The following DHX30 variants were observed in gnomAD, a reference collection of about 807,000 sequenced individuals.
The protein encoded by DHX30 is DExH-box helicase 30.
A neutral mutation model predicts 116.9 loss-of-function variants in DHX30; 4 were observed. That is an observed-to-expected ratio of 0.03 (90% confidence interval 0.02 to 0.08). DHX30 has a LOEUF of 0.08. DHX30 is among the 10% of genes least tolerant of loss of function. The probability of loss-of-function intolerance (pLI) is 1.00; values close to 1 mark genes in which losing one functional copy is unlikely to be tolerated. For missense variants in DHX30, 871 were observed against 1,595.1 expected (o/e 0.55, Z 7.73); for synonymous variants, 697 against 651.7 (o/e 1.07, Z -1.06).
intron 4 of DHX30, among the ~76,000 whole-genome samples, chr3:47,823,357 GTTT>G (rs556494505): frequency 2.3e-5 from 3 of 128,032 alleles, no homozygotes; most frequent in Non-Finnish European, 1.7e-5. Context: ...CCTGGTTGTT[GTTT>G]TTTTTTTTTT....
chr3:47,833,537 CAAAAAA>C (rs71070236), intron 6 of DHX30, among the ~76,000 whole-genome samples: 1 of 62,458 alleles, frequency 1.6e-5, no homozygotes, highest in African/African-American at 6.9e-5. Flanking sequence ...CTCTCTCTCT[CAAAAAA>C]AAAAAAAAAA....
chr3:47,845,991 C>A, intron 10 of DHX30, 139 bp downstream of exon 10: 1 of 1,437,524 alleles, frequency 7.0e-7, no homozygotes, highest in Non-Finnish European at 9.3e-7. Context: ...ATCCCCCTGG[C>A]CTGAACAGCC....
intron 3 of DHX30, among the ~76,000 whole-genome samples, chr3:47,811,295 C>T (rs2035778649): frequency 1.3e-5 from 2 of 152,072 alleles, no homozygotes; most frequent in Admixed American, 1.3e-4. Flanking sequence ...TATACCATCT[C>T]CTTCATGAAC....
In DHX30 at chr3:47,832,228, C is replaced by T. The variant is rs759434712; in HGVS notation, c.366+3094C>T. 4.7e-4 allele frequency among the ~76,000 whole-genome samples: 71 copies of T among 151,914 alleles called. 1 individual carries two copies. In the Middle Eastern group the frequency reaches 0.014, roughly 29 times the overall value. On this transcript the variant is annotated intron_variant, in intron 6 of 21. Coordinates refer to ENST00000445061, the MANE Select transcript of DHX30 (RefSeq NM_138615.3). ...CCTGGCCTCTGTGTACCTCTGTATCCCCACAGTGCTCTGTAGCCTTGGCAC... is the reference window on the plus strand; with the variant it reads ...CCTGGCCTCTGTGTACCTCTGTATCTCCACAGTGCTCTGTAGCCTTGGCAC...
intron 5 of DHX30, among the ~76,000 whole-genome samples, chr3:47,828,033 T>A (rs1215022602): frequency 6.6e-6 from 1 of 151,904 alleles, no homozygotes; most frequent in Middle Eastern, 3.2e-3. Flanking sequence ...TAATTTTTTT[T>A]ATTTTTTGTA....
chr3:47,831,275 C>T (rs577967678), intron 6 of DHX30: 3 of 152,200 alleles, frequency 2.0e-5, no homozygotes, highest in Admixed American at 6.5e-5. Context: ...AAGCTAGAGT[C>T]ATTGAAACAA....
intron 3 of DHX30, among the ~76,000 whole-genome samples, chr3:47,812,253 A>T (rs1212612939): frequency 6.6e-6 from 1 of 151,250 alleles, no homozygotes; most frequent in Non-Finnish European, 1.5e-5. Flanking sequence ...AATAAATAAA[A>T]TAAACAACAG....
chr3:47,814,440 A>G (rs2035952205), intron 3 of DHX30, among the ~76,000 whole-genome samples: 2 of 150,060 alleles, frequency 1.3e-5, no homozygotes, highest in East Asian at 2.0e-4. Flanking sequence ...AAAAAAAAAA[A>G]AAAAAAAAGA....
chr3:47,834,404 C>T (rs1368259448), intron 6 of DHX30, among the ~76,000 whole-genome samples: 1 of 151,762 alleles, frequency 6.6e-6, no homozygotes, highest in East Asian at 1.9e-4. Context: ...ACTCCTGGCC[C>T]ATGTGGTATT....
intron 3 of DHX30, among the ~76,000 whole-genome samples, chr3:47,814,140 C>G (rs1198640446): frequency 1.3e-5 from 2 of 151,616 alleles, no homozygotes; most frequent in East Asian, 3.9e-4. Context: ...AATCACGATC[C>G]TCAGCTGAGC....
At position 47,847,703 on chromosome 3, in the gene DHX30, A is replaced by G. The variant is rs900331664; in HGVS notation, c.2111-78A>G. Reference sequence around the variant, plus strand: ...CCTGTTTCATCAAAATGGGGTCAAAATCCTTGCCCTGCCCACATTCCAGGG... The same window carrying G: ...CCTGTTTCATCAAAATGGGGTCAAAGTCCTTGCCCTGCCCACATTCCAGGG... On this transcript the variant is annotated intron_variant, in intron 13 of 21. Coordinates refer to ENST00000445061, the MANE Select transcript of DHX30 (RefSeq NM_138615.3). The surrounding 1 kb of genome is among the most constrained non-coding windows in gnomAD (Gnocchi z 5.5). 3 of 1,536,426 alleles carry G rather than the reference A, an allele frequency of 2.0e-6. No individual in the cohort carries two copies. The African/African-American group carries it at 4.1e-5, about 21-fold the overall frequency.
chr3:47,832,125 G>A (rs1238135164), intron 6 of DHX30, among the ~76,000 whole-genome samples: 1 of 150,324 alleles, frequency 6.7e-6, no homozygotes, highest in Non-Finnish European at 1.5e-5. Flanking sequence ...TGCCCAGGCT[G>A]GTCTCTAATT....
At position 47,845,792 on chromosome 3, in the gene DHX30, A is replaced by G; in HGVS notation, c.1032A>G (p.Arg344=). The G allele has an allele frequency of 6.2e-7, 1 of 1,611,760 alleles. No homozygotes were observed. The highest frequency in any genetic ancestry group is 1.1e-5 in the South Asian group (1 of 91,000). The part of the protein sequence containing the change: ...SLRELGETQR[R]PCTIQVPEPI... ...GTGAGCTGGGTGAGACCCAGCGCCGACCATGCACCATCCAGGTGCCCGAGC... is the reference window on the plus strand; with the variant it reads ...GTGAGCTGGGTGAGACCCAGCGCCGGCCATGCACCATCCAGGTGCCCGAGC... The change falls in exon 10 of 22, where the codon CGA becomes CGG. Residue 344 remains arginine, a synonymous_variant. Coordinates refer to ENST00000445061, the MANE Select transcript of DHX30 (RefSeq NM_138615.3).
Position 47,846,731 on chromosome 3 carries a change from G to T in DHX30, c.1659G>T (p.Val553=). 2 of 1,614,024 alleles carry T rather than the reference G, an allele frequency of 1.2e-6. No individual in the cohort carries two copies. Among genetic ancestry groups the T allele is most frequent in the African/African-American group, 1.3e-5 (1 of 75,080 alleles). The change falls in exon 11 of 22, where the codon GTG becomes GTT. Residue 553 remains valine (V), a synonymous_variant. Transcript: ENST00000445061. ...AGAGCAACCCCAGCCTGGAGGGCGT[G>T]AGCCACGTCATCGTGGATGAGGTGC... ...KLQSNPSLEG[V]SHVIVDEVHE...
chr3:47,814,167 G>C (rs557682430), intron 3 of DHX30, among the ~76,000 whole-genome samples: 7 of 151,734 alleles, frequency 4.6e-5, no homozygotes, highest in African/African-American at 9.7e-5. Context: ...GCTCAGGCCT[G>C]TAATCCCAGC....
In DHX30 at chr3:47,846,707, G is replaced by A. The variant is rs1452736106; in HGVS notation, c.1635G>A (p.Gln545=). ...CTVGILLRKL[Q]SNPSLEGVSH... is the part of the protein sequence containing the mutation. ...TGGGTATCCTGCTGCGTAAGCTGCA[G>A]AGCAACCCCAGCCTGGAGGGCGTGA... Residue 545 remains glutamine (Q), a synonymous_variant, in exon 11 of 22, where the codon CAG becomes CAA. Transcript: ENST00000445061. 6.2e-7 allele frequency: 1 copy of A among 1,614,044 alleles called. No individual in the cohort carries two copies. Among genetic ancestry groups the A allele is most frequent in the East Asian group, 2.2e-5 (1 of 44,876 alleles).
intron 4 of DHX30, among the ~76,000 whole-genome samples, chr3:47,821,468 C>G (rs556963531): frequency 6.6e-6 from 1 of 152,142 alleles, no homozygotes; most frequent in Non-Finnish European, 1.5e-5. Flanking sequence ...GGGGTTTCTC[C>G]ATGTTGGTCA....
At chr3:47,849,169 C>T (rs1399139619) in intron 18 of DHX30, 23 bp from the exon 19 acceptor site, 1 of 1,613,604 alleles carries the variant, frequency 6.2e-7, no homozygotes, top group South Asian at 1.1e-5. Context: ...GCTGTAGGTC[C>T]ACCACACATT....
rs146755592 is a variant in DHX30, at chr3:47,849,042, A to G, written c.2892A>G (p.Glu964=). 2.6e-4 allele frequency: 419 copies of G among 1,613,156 alleles called. No individual in the cohort carries two copies. The highest frequency in any genetic ancestry group is 6.2e-4 in the Admixed American group (37 of 59,918). ...DRSSRENYLE[E]NLLYAPSLRF... Reference sequence around the variant, plus strand: ...GCTCCCGGGAGAATTACCTGGAGGAAAACCTGCTGTACGCACCCAGCCTGC... The same window carrying G: ...GCTCCCGGGAGAATTACCTGGAGGAGAACCTGCTGTACGCACCCAGCCTGC... Residue 964 remains glutamate, a synonymous_variant, in exon 18 of 22, where the codon GAA becomes GAG. Transcript: ENST00000445061.
Sources: allele counts gnomAD v4.1 joint callset (sites outside exome capture counted in the v4.1 genomes callset), GRCh38; gene constraint gnomAD v4.1.1; non-coding constraint Gnocchi (gnomAD v3.1); transcripts MANE v1.5; gene names NCBI Gene and HGNC (gene_info 2026-07-23, HGNC 2026-07-21).